Variants in ERCC6L2 observed in about 807,000 individuals in gnomAD.
ERCC6L2 encodes the protein ERCC excision repair 6 like 2.
A neutral mutation model predicts 132.0 loss-of-function variants in ERCC6L2; 77 were observed. That is an observed-to-expected ratio of 0.58 (90% CI 0.49 to 0.71). The LOEUF (loss-of-function observed/expected upper bound fraction) is 0.71. ERCC6L2 is among the 30% of genes least tolerant of loss of function. ERCC6L2 has a pLI of 0.00. For synonymous variants in ERCC6L2, 583 were observed against 632.4 expected (o/e 0.92, Z 1.17); for missense variants, 1,542 against 1,837.6 (o/e 0.84, Z 2.94).
At chr9:95,903,479 A>C (rs568484737) in intron 3 of ERCC6L2, among the ~76,000 whole-genome samples, 5 of 152,224 alleles carry the variant, frequency 3.3e-5, no homozygotes, top group African/African-American at 1.2e-4. Context: ...ATTTATAGTT[A>C]ACTTTGCTTG....
chr9:95,908,083 G>A (rs1158343402), intron 4 of ERCC6L2, among the ~76,000 whole-genome samples: 1 of 152,118 alleles, frequency 6.6e-6, no homozygotes, highest in Non-Finnish European at 1.5e-5. Flanking sequence ...TAGCTTCTGT[G>A]TGTGCAGATA....
intron 3 of ERCC6L2, among the ~76,000 whole-genome samples, chr9:95,906,275 T>G (rs1268013428): frequency 1.3e-5 from 2 of 152,086 alleles, no homozygotes; most frequent in Non-Finnish European, 2.9e-5. Flanking sequence ...TTTAAAAAAT[T>G]TTTGTTTTTC....
chr9:95,969,047 G>A (rs1279464305), intron 14 of ERCC6L2, among the ~76,000 whole-genome samples: 1 of 152,116 alleles, frequency 6.6e-6, no homozygotes, highest in Non-Finnish European at 1.5e-5. Context: ...AGAGGTGAGG[G>A]AGGAAGGTGT....
intron 19 of ERCC6L2, among the ~76,000 whole-genome samples, chr9:96,036,243 C>T (rs1166028220): frequency 6.6e-6 from 1 of 152,098 alleles, no homozygotes. Flanking sequence ...TACTTTCTGT[C>T]CCTATGAATC....
intron 17 of ERCC6L2, among the ~76,000 whole-genome samples, chr9:95,993,836 C>CT (rs1190628963): frequency 2.0e-5 from 3 of 152,214 alleles, no homozygotes; most frequent in Non-Finnish European, 4.4e-5. Context: ...ATCTCCCTCT[C>CT]TCCCCAGAAA....
At chr9:96,020,829 C>G (rs1369550934), downstream of ERCC6L2, 1 of 456,596 alleles carries the variant, frequency 2.2e-6, no homozygotes, top group Non-Finnish European at 4.4e-6. Context: ...CTCCCTTGGC[C>G]GTTAAAACCC....
chr9:95,945,839 C>G (rs1831033703), intron 12 of ERCC6L2, among the ~76,000 whole-genome samples: 1 of 151,946 alleles, frequency 6.6e-6, no homozygotes, highest in Admixed American at 6.6e-5. Flanking sequence ...GAAAGCATGA[C>G]CAATGAAGTG....
chr9:95,952,166 TAA>T (rs57310402), intron 12 of ERCC6L2, among the ~76,000 whole-genome samples: 24 of 57,712 alleles, frequency 4.2e-4, no homozygotes, highest in Admixed American at 1.3e-3. Flanking sequence ...GACTCCATCT[TAA>T]AAAAAAAAAA....
chr9:95,886,899 G>A (rs1354523564), intron 2 of ERCC6L2, among the ~76,000 whole-genome samples: 1 of 152,182 alleles, frequency 6.6e-6, no homozygotes, highest in African/African-American at 2.4e-5. Context: ...TGAAGAGAGA[G>A]ACTGGCCTAG....
intron 4 of ERCC6L2, among the ~76,000 whole-genome samples, chr9:95,911,687 AG>A (rs1224537137): frequency 6.6e-6 from 1 of 152,096 alleles, no homozygotes; most frequent in Non-Finnish European, 1.5e-5. Context: ...TACTCTGTGG[AG>A]GGGATGAACG....
chr9:95,959,790 C>T (rs568985930), intron 13 of ERCC6L2, among the ~76,000 whole-genome samples: 1 of 151,438 alleles, frequency 6.6e-6, no homozygotes, highest in East Asian at 1.9e-4. Flanking sequence ...TGTTAGAAAG[C>T]AAGAAGAGTT....
intron 19 of ERCC6L2, among the ~76,000 whole-genome samples, chr9:96,038,559 A>T (rs949111618): frequency 6.6e-6 from 1 of 152,166 alleles, no homozygotes; most frequent in Non-Finnish European, 1.5e-5. Flanking sequence ...GCCATCTGGG[A>T]TTGGTCTCCC....
chr9:95,983,188 C>G (rs531384096), intron 17 of ERCC6L2, among the ~76,000 whole-genome samples: 75 of 152,256 alleles, frequency 4.9e-4, no homozygotes, highest in African/African-American at 1.8e-3. Flanking sequence ...ATATCTAGTC[C>G]AGTCCTTTAA....
chr9:95,912,450 G>GTGTCTA (rs1350997674), intron 4 of ERCC6L2, among the ~76,000 whole-genome samples: 1 of 152,120 alleles, frequency 6.6e-6, no homozygotes, highest in Non-Finnish European at 1.5e-5. Flanking sequence ...GTAAATGTGT[G>GTGTCTA]TGTCTATGTC....
chr9:95,886,436 G>C (rs961835370), intron 2 of ERCC6L2, among the ~76,000 whole-genome samples: 9 of 152,156 alleles, frequency 5.9e-5, no homozygotes, highest in Admixed American at 4.6e-4. Context: ...ACGTAAAACA[G>C]GCACAGGAAT....
At chr9:95,940,760 C>T (rs1233709959) in intron 11 of ERCC6L2, among the ~76,000 whole-genome samples, 1 of 151,816 alleles carries the variant, frequency 6.6e-6, no homozygotes, top group Non-Finnish European at 1.5e-5. Context: ...GTGGTGTGTT[C>T]TGTGTATGTC....
intron 18 of ERCC6L2, among the ~76,000 whole-genome samples, chr9:96,005,777 T>C (rs1402739533): frequency 6.6e-6 from 1 of 152,084 alleles, no homozygotes; most frequent in Non-Finnish European, 1.5e-5. Context: ...ATCTGATGTA[T>C]CTTTTTAAAA....
intron 17 of ERCC6L2, among the ~76,000 whole-genome samples, chr9:95,985,121 G>T (rs565085664): frequency 6.6e-6 from 1 of 152,256 alleles, no homozygotes; most frequent in East Asian, 1.9e-4. Context: ...CTCAGTTTCA[G>T]GTTCCTTTAG....
At chr9:96,018,549 C>T (rs913408947), downstream of ERCC6L2, among the ~76,000 whole-genome samples, 4 of 151,978 alleles carry the variant, frequency 2.6e-5, no homozygotes, top group African/African-American at 9.7e-5. Flanking sequence ...CAGCCTCGAC[C>T]TCCCAGGATC....
Sources: allele counts gnomAD v4.1 joint callset (sites outside exome capture counted in the v4.1 genomes callset), GRCh38; gene constraint gnomAD v4.1.1; transcripts MANE v1.5; gene names NCBI Gene and HGNC (gene_info 2026-07-23, HGNC 2026-07-21).